Variants in BRINP3 observed in about 807,000 individuals in gnomAD.
BRINP3 encodes BMP/retinoic acid-inducible neural-specific protein 3.
Under a neutral mutation model 71.0 loss-of-function variants are expected in BRINP3, and 19 were observed. The observed-to-expected ratio is 0.27, with a 90% CI of 0.19 to 0.39. The LOEUF (loss-of-function observed/expected upper bound fraction) is 0.39, where lower values mean the gene tolerates loss of function less well. BRINP3 is among the 10% of genes least tolerant of loss of function. BRINP3 has a pLI of 1.00. For missense variants in BRINP3, 959 were observed against 940.8 expected, an observed-to-expected ratio of 1.02 and a Z score of -0.25; for synonymous variants, 380 against 337.7, an observed-to-expected ratio of 1.13 and a Z score of -1.37.
At chr1:190,105,791 T>A (rs1231326530) in intron 7 of BRINP3, among the ~76,000 whole-genome samples, 1 of 152,006 alleles carries the variant, frequency 6.6e-6, no homozygotes, top group African/African-American at 2.4e-5. Flanking sequence ...CAGCATAATA[T>A]AGTTCAAAAA....
In BRINP3 at chr1:190,315,604, G is replaced by A. The variant is rs113629826; in HGVS notation, c.237-33854C>T. Among the ~76,000 whole-genome samples the A allele has an allele frequency of 3.2e-3, 489 of 152,152 alleles. 5 individuals are homozygous for A. Among genetic ancestry groups the A allele is most frequent in the African/African-American group, 0.011 (462 of 41,524 alleles). On this transcript the variant is annotated intron_variant, in intron 2 of 7. Coordinates refer to ENST00000367462, the MANE Select transcript of BRINP3 (RefSeq NM_199051.3). ...CTTCTACACGAGAAATGCAGTTATT[G>A]TGGCTATCATCTGTCTGGGCTGGAA...
At chr1:190,373,490 A>ATG (rs773720368) in intron 2 of BRINP3, among the ~76,000 whole-genome samples, 40 of 150,992 alleles carry the variant, frequency 2.6e-4, no homozygotes, top group Non-Finnish European at 5.8e-4. Flanking sequence ...GTGTGTGTAT[A>ATG]TGTGTATATA....
intron 2 of BRINP3, among the ~76,000 whole-genome samples, chr1:190,366,612 T>C (rs1669519723): frequency 6.6e-6 from 1 of 152,122 alleles, no homozygotes; most frequent in Admixed American, 6.6e-5. Flanking sequence ...GAAAGTCCTA[T>C]GCCAAAGTCT....
At chr1:190,411,417 A>C (rs538158980) in intron 2 of BRINP3, among the ~76,000 whole-genome samples, 1 of 152,316 alleles carries the variant, frequency 6.6e-6, no homozygotes, top group Non-Finnish European at 1.5e-5. Flanking sequence ...AAAAAGCAAT[A>C]CACTAGAGTC....
chr1:190,345,230 C>T (rs1667936796), intron 2 of BRINP3, among the ~76,000 whole-genome samples: 1 of 151,716 alleles, frequency 6.6e-6, no homozygotes, highest in Non-Finnish European at 1.5e-5. Context: ...TGTGCATGTT[C>T]ATAATCGTTC....
chr1:190,265,044 G>GT lies in BRINP3; in HGVS notation c.438dup (p.Leu147ThrfsTer15). On this transcript the variant is annotated frameshift_variant, in exon 4 of 8. Transcript: ENST00000367462. LOFTEE classifies it high-confidence loss of function. ...TTCCGCTTGTCCACAAAAATTGTGA[G>GT]TGACTCCTCTCCTGCATTAATAATA... The GT allele has an allele frequency of 1.2e-6, 2 of 1,605,462 alleles. No homozygotes were observed. The highest frequency in any genetic ancestry group is 1.7e-6 in the Non-Finnish European group (2 of 1,177,046).
In BRINP3 at chr1:190,264,905, C is replaced by T. The variant is rs201476280; in HGVS notation, c.578G>A (p.Arg193Gln). 247 of 1,613,470 alleles carry T rather than the reference C, an allele frequency of 1.5e-4. No individual in the cohort carries two copies. Among genetic ancestry groups the T allele is most frequent in the Non-Finnish European group, 1.9e-4 (229 of 1,179,774 alleles). The change falls in exon 4 of 8, where the codon CGG becomes CAG. Residue 193 changes from arginine to glutamine, a missense_variant. Coordinates refer to ENST00000367462, the MANE Select transcript of BRINP3 (RefSeq NM_199051.3). ...SYFIDRDSTL[R>Q]RLHHIQIAST... ...TGCAATTTGAATGTGGTGAAGTCTC[C>T]GAAGGGTGCTGTCCCTGTCAATGAA...
intron 2 of BRINP3, among the ~76,000 whole-genome samples, chr1:190,345,934 TTAAA>T (rs1293413858): frequency 6.6e-6 from 1 of 151,922 alleles, no homozygotes; most frequent in Non-Finnish European, 1.5e-5. Context: ...TAAAGATAGC[TTAAA>T]TAGTTTAATT....
intron 2 of BRINP3, among the ~76,000 whole-genome samples, chr1:190,317,676 A>G (rs1002665802): frequency 1.3e-5 from 2 of 152,142 alleles, no homozygotes; most frequent in Non-Finnish European, 2.9e-5. Context: ...CATATTCCAA[A>G]TAAGCATATA....
rs373091274 is a variant in BRINP3 at position 190,337,022 on chromosome 1, AT to A, written c.237-55273del. Among the ~76,000 whole-genome samples, 29 of 152,122 alleles carry A rather than the reference AT, an allele frequency of 1.9e-4. No homozygotes were observed. The East Asian group carries it at 2.9e-3, about 15-fold the overall frequency. ...AAACTATAGCTACATACAATATTAT[AT>A]AATACTAAACTAACCTGAGGCATCT... On this transcript the variant is annotated intron_variant, in intron 2 of 7. Transcript: ENST00000367462.
At chr1:190,164,128 T>A (rs543704875) in intron 6 of BRINP3, among the ~76,000 whole-genome samples, 1 of 152,088 alleles carries the variant, frequency 6.6e-6, no homozygotes, top group South Asian at 2.1e-4. Context: ...ATACCCCCGA[T>A]TGGAATTTTT....
At chr1:190,211,792 T>C (rs1026299378) in intron 6 of BRINP3, among the ~76,000 whole-genome samples, 2 of 152,122 alleles carry the variant, frequency 1.3e-5, no homozygotes, top group African/African-American at 4.8e-5. Context: ...TAGCCATCTA[T>C]GTCAGATGAT....
intron 4 of BRINP3, among the ~76,000 whole-genome samples, chr1:190,260,480 G>T (rs1321884057): frequency 6.6e-6 from 1 of 151,782 alleles, no homozygotes; most frequent in Non-Finnish European, 1.5e-5. Flanking sequence ...AATATAAAAT[G>T]TGCAACAATT....
chr1:190,207,045 A>G (rs1429939094), intron 6 of BRINP3, among the ~76,000 whole-genome samples: 4 of 150,960 alleles, frequency 2.6e-5, no homozygotes, highest in Non-Finnish European at 5.9e-5. Context: ...CAAAATAAGT[A>G]AGAGTGATGT....
chr1:190,454,787 ACAG>A lies in BRINP3; in HGVS notation c.101_103del (p.Ala34del), dbSNP rs1235861783. The A allele has an allele frequency of 1.2e-6, 2 of 1,614,160 alleles. No homozygotes were observed. The highest frequency in any genetic ancestry group is 4.5e-5 in the East Asian group (2 of 44,868). On this transcript the variant is annotated inframe_deletion, in exon 2 of 8. Transcript: ENST00000367462. ...GGGGCTTGTGGCATGCTGATCCGAA[ACAG>A]CAGCAACCGCTAAAACCCAGCAATG... is the stretch of plus-strand genomic sequence containing the variant.
At chr1:190,248,646 GC>G (rs1435513132) in intron 4 of BRINP3, among the ~76,000 whole-genome samples, 1 of 150,898 alleles carries the variant, frequency 6.6e-6, no homozygotes, top group African/African-American at 2.4e-5. Context: ...CAATTTTTTT[GC>G]ATTATGTCAC....
intron 2 of BRINP3, among the ~76,000 whole-genome samples, chr1:190,321,278 T>C (rs1666221324): frequency 6.6e-6 from 1 of 152,120 alleles, no homozygotes; most frequent in Non-Finnish European, 1.5e-5. Flanking sequence ...ATTACCACTC[T>C]ATTTATTATC....
At chr1:190,139,628 G>A (rs1050907404) in intron 7 of BRINP3, among the ~76,000 whole-genome samples, 2 of 152,104 alleles carry the variant, frequency 1.3e-5, no homozygotes, top group African/African-American at 2.4e-5. Context: ...GGTGGGCAGG[G>A]AGGCTTGAAG....
chr1:190,421,537 T>C (rs1195848087), intron 2 of BRINP3, among the ~76,000 whole-genome samples: 1 of 151,662 alleles, frequency 6.6e-6, no homozygotes, highest in Admixed American at 6.6e-5. Context: ...AGATGTTTTA[T>C]GAAAGTAATT....
Sources: gnomAD v4.1 joint callset for allele counts (sites outside exome capture counted in the v4.1 genomes callset) on GRCh38, gnomAD v4.1.1 for gene constraint, MANE v1.5 for transcripts, NCBI Gene and HGNC (gene_info 2026-07-23, HGNC 2026-07-21) for gene names.